Variants in NEDD9 observed in about 807,000 individuals in gnomAD.
The protein encoded by NEDD9 is neural precursor cell expressed, developmentally down-regulated 9.
A neutral mutation model predicts 76.6 loss-of-function variants in NEDD9; 26 were observed. The ratio of observed to expected loss-of-function variants is 0.34; its 90% CI spans 0.25 to 0.47. The LOEUF is 0.47. NEDD9 is among the 20% of genes least tolerant of loss of function. The pLI is 1.00. For synonymous variants in NEDD9, 392 were observed against 414.2 expected (o/e 0.95, Z 0.65); for missense variants, 937 against 1,058.5 (o/e 0.89, Z 1.59).
chr6:11,316,083 G>A (rs1426944902), intron 2 of NEDD9, among the ~76,000 whole-genome samples: 1 of 152,252 alleles, frequency 6.6e-6, no homozygotes, highest in South Asian at 2.1e-4. Flanking sequence ...CATTGTTTGT[G>A]GCACCTTCCA....
intron 3 of NEDD9, among the ~76,000 whole-genome samples, chr6:11,299,690 C>CA (rs1473355734): frequency 6.6e-6 from 1 of 152,200 alleles, no homozygotes; most frequent in Non-Finnish European, 1.5e-5. Context: ...TGCTGTTCTG[C>CA]AGCCTCCGCT....
intron 1 of NEDD9, among the ~76,000 whole-genome samples, chr6:11,220,873 A>G (rs1759120177): frequency 6.6e-6 from 1 of 152,222 alleles, no homozygotes. Context: ...CGTGCTGGAC[A>G]GACACATTCA....
chr6:11,263,749 C>T (rs1435522598), intron 3 of NEDD9, among the ~76,000 whole-genome samples: 1 of 152,196 alleles, frequency 6.6e-6, no homozygotes, highest in African/African-American at 2.4e-5. Flanking sequence ...GACATTTACA[C>T]AGGGTACTTA....
At chr6:11,243,740 T>G (rs1262438958) in intron 3 of NEDD9, among the ~76,000 whole-genome samples, 8 of 152,212 alleles carry the variant, frequency 5.3e-5, no homozygotes, top group Non-Finnish European at 1.2e-4. Flanking sequence ...CTCCTTTTCC[T>G]TGTGTATTTT....
chr6:11,287,464 T>C (rs879471750), intron 3 of NEDD9, among the ~76,000 whole-genome samples: 2 of 152,062 alleles, frequency 1.3e-5, no homozygotes, highest in African/African-American at 2.4e-5. Flanking sequence ...AGTTAATGTC[T>C]GTGGACATAG....
chr6:11,221,390 A>AG (rs1554126054), intron 1 of NEDD9, among the ~76,000 whole-genome samples: 1 of 151,704 alleles, frequency 6.6e-6, no homozygotes, highest in African/African-American at 2.4e-5. Context: ...CATAAAAAAA[A>AG]AAAAAGAAAA....
intron 2 of NEDD9, among the ~76,000 whole-genome samples, chr6:11,321,422 C>T (rs1761800356): frequency 6.6e-6 from 1 of 152,132 alleles, no homozygotes; most frequent in Non-Finnish European, 1.5e-5. Flanking sequence ...ATGCCGTGAG[C>T]CCAGTGAGGT....
intron 3 of NEDD9, among the ~76,000 whole-genome samples, chr6:11,264,833 A>G (rs550519689): frequency 2.6e-4 from 40 of 151,068 alleles, no homozygotes; most frequent in African/African-American, 8.8e-4. Flanking sequence ...AATAACAATA[A>G]CTTCAGCTCT....
chr6:11,313,929 A>G (rs1761461982), intron 2 of NEDD9, among the ~76,000 whole-genome samples: 1 of 152,224 alleles, frequency 6.6e-6, no homozygotes, highest in South Asian at 2.1e-4. Flanking sequence ...CTGTGATTAT[A>G]GGGAGGTTTT....
chr6:11,209,383 T>C (rs1758705853), intron 2 of NEDD9, among the ~76,000 whole-genome samples: 1 of 152,182 alleles, frequency 6.6e-6, no homozygotes, highest in African/African-American at 2.4e-5. Context: ...TTCAGATAAC[T>C]TGGAGAGTTT....
intron 3 of NEDD9, among the ~76,000 whole-genome samples, chr6:11,244,702 T>G (rs1236238787): frequency 2.0e-5 from 3 of 152,234 alleles, no homozygotes; most frequent in Non-Finnish European, 4.4e-5. Flanking sequence ...AGACAACTTC[T>G]CTGTCTTTGG....
chr6:11,298,021 C>A (rs1300746028), intron 3 of NEDD9, among the ~76,000 whole-genome samples: 2 of 151,356 alleles, frequency 1.3e-5, no homozygotes, highest in Non-Finnish European at 2.9e-5. Context: ...AATTCTCATG[C>A]CTCAGCCTTC....
chr6:11,352,290 G>A (rs2113536946), intron 1 of NEDD9: 1 of 151,144 alleles, frequency 6.6e-6, no homozygotes, highest in Admixed American at 6.6e-5. Context: ...TTGTCCTCAT[G>A]GGCAGTGTAG....
intron 1 of NEDD9, among the ~76,000 whole-genome samples, chr6:11,357,988 G>A (rs994619003): frequency 6.6e-6 from 1 of 152,104 alleles, no homozygotes; most frequent in African/African-American, 2.4e-5. Context: ...GGTGGCTCAC[G>A]CCTGTAATCT....
At chr6:11,377,191 G>T (rs1440770306) in intron 1 of NEDD9, among the ~76,000 whole-genome samples, 1 of 152,232 alleles carries the variant, frequency 6.6e-6, no homozygotes, top group African/African-American at 2.4e-5. Flanking sequence ...GAAATGTGGG[G>T]TTGGAGCTCC....
chr6:11,280,586 C>T (rs1760515388), intron 3 of NEDD9, among the ~76,000 whole-genome samples: 1 of 152,200 alleles, frequency 6.6e-6, no homozygotes, highest in African/African-American at 2.4e-5. Context: ...TTCCACTGGG[C>T]GGCTCCTCTG....
chr6:11,279,795 C>T lies in NEDD9; in HGVS notation c.12+26197G>A, dbSNP rs571357850. On this transcript the variant is annotated intron_variant, in intron 3 of 3. Transcript: ENST00000397378. The stretch of plus-strand genomic sequence containing the variant: ...ACAGCTCTCATCTCCTCCCGCTCCC[C>T]GCACCCCTGAAACTCCATTGCTGCT... 5.3e-5 allele frequency among the ~76,000 whole-genome samples: 8 copies of T among 152,280 alleles called. No individual in the cohort carries two copies. The South Asian group carries it at 1.0e-3, about 20-fold the overall frequency.
intron 2 of NEDD9, among the ~76,000 whole-genome samples, chr6:11,210,337 C>G (rs762570285): frequency 6.6e-6 from 1 of 152,140 alleles, no homozygotes; most frequent in Non-Finnish European, 1.5e-5. Context: ...CCCGGTGGCT[C>G]AGAATAAGAT....
intron 1 of NEDD9, among the ~76,000 whole-genome samples, chr6:11,371,264 C>T (rs1483351177): frequency 6.6e-6 from 1 of 152,214 alleles, no homozygotes; most frequent in African/African-American, 2.4e-5. Flanking sequence ...AATAAACCTG[C>T]ATTGACACAT....
Sources: gnomAD v4.1 joint callset for allele counts (sites outside exome capture counted in the v4.1 genomes callset) on GRCh38, gnomAD v4.1.1 for gene constraint, MANE v1.5 for transcripts, NCBI Gene and HGNC (gene_info 2026-07-23, HGNC 2026-07-21) for gene names.